The following GSTM5 variants were observed in gnomAD, a reference collection of about 807,000 sequenced individuals.
GSTM5 encodes the protein GST class-mu 5.
A neutral mutation model predicts 29.0 loss-of-function variants in GSTM5; 24 were observed. That is an observed-to-expected ratio of 0.83 (90% CI 0.60 to 1.16). GSTM5 has a LOEUF of 1.16. Ranked by LOEUF, GSTM5 falls within the 50% of genes most tolerant of loss-of-function variation. The pLI, the probability that GSTM5 is intolerant of heterozygous loss-of-function variation, is 0.00. For synonymous variants in GSTM5, 91 were observed against 93.6 expected, an observed-to-expected ratio of 0.97 and a Z score of 0.16; for missense variants, 290 against 263.0, an observed-to-expected ratio of 1.10 and a Z score of -0.71.
intron 5 of GSTM5, 112 bp downstream of exon 5, chr1:109,713,873 G>C: frequency 3.8e-6 from 2 of 527,618 alleles, no homozygotes; most frequent in Non-Finnish European, 7.4e-6. Context: ...GACTGGAGAC[G>C]TCTATAACCT....
At chr1:109,713,076 C>A (rs754852155) in intron 2 of GSTM5, 43 bp from the exon 3 acceptor site, 19 of 1,610,906 alleles carry the variant, frequency 1.2e-5, no homozygotes, top group Non-Finnish European at 3.4e-6. Flanking sequence ...GGAAGGAGGG[C>A]TGGGCTCTGG....
intron 5 of GSTM5, chr1:109,714,312 A>G (rs373401404): frequency 1.3e-5 from 2 of 159,616 alleles, no homozygotes; most frequent in African/African-American, 4.8e-5. Context: ...CATTTCTGTC[A>G]GTTGATTTAT....
At position 109,712,284 on chromosome 1, in the gene GSTM5, T is replaced by A. The variant is rs376393852; in HGVS notation, c.-29T>A. 1 of 1,613,636 alleles carries A rather than the reference T, an allele frequency of 6.2e-7. No individual in the cohort carries two copies. The highest frequency in any genetic ancestry group is 8.5e-7 in the Non-Finnish European group (1 of 1,179,710). On this transcript the variant is annotated 5_prime_UTR_variant, in exon 1 of 8. Coordinates refer to ENST00000256593, the MANE Select transcript of GSTM5 (RefSeq NM_000851.4). Reference sequence around the variant, plus strand: ...GTCTGAGCCCCGCTCCGCTGATGCCTGTCTGCAGAATCCGCACCAACCAGC... The same window carrying A: ...GTCTGAGCCCCGCTCCGCTGATGCCAGTCTGCAGAATCCGCACCAACCAGC...
upstream of GSTM5, chr1:109,712,174 A>G: frequency 1.1e-6 from 1 of 935,536 alleles, no homozygotes; most frequent in South Asian, 1.3e-5. Flanking sequence ...TCGGGGGCCT[A>G]CAGAATGGCG....
At chr1:109,713,864 A>G in intron 5 of GSTM5, 103 bp downstream of exon 5, 1 of 629,840 alleles carries the variant, frequency 1.6e-6, no homozygotes, top group Non-Finnish European at 2.9e-6. Flanking sequence ...CGGCCAGCTG[A>G]CTGGAGACGT....
chr1:109,716,101 C>T (rs1648737195), intron 7 of GSTM5: 1 of 356,230 alleles, frequency 2.8e-6, no homozygotes, highest in Non-Finnish European at 5.4e-6. Flanking sequence ...GTGTGTGTGG[C>T]ACCACCTGGG....
rs1648815882 is a variant in GSTM5, at chr1:109,718,137, A to G, written c.*711A>G. On this transcript the variant is annotated 3_prime_UTR_variant, in exon 8 of 8. Coordinates refer to ENST00000256593, the MANE Select transcript of GSTM5 (RefSeq NM_000851.4). ...AACTGGCATGGTTCAAAGAGGGGCT[A>G]GGCTGATGGGGAAGGGGGCTGAGCA... The G allele has an allele frequency of 1.3e-5, 2 of 152,436 alleles. No homozygotes were observed. 9.4% of individuals were successfully genotyped at this position (152,436 alleles called of 1,614,324 possible).
Position 109,713,318 on chromosome 1 carries a change from C to A in GSTM5, c.177+135C>A. On this transcript the variant is annotated intron_variant, in intron 3 of 7. Transcript: ENST00000256593. ...TCTCACTCTTGGCTGTCTACACAGC[C>A]CTTGCATGATGTTCTGTGTCCCAGC... The A allele has an allele frequency of 2.2e-6, 3 of 1,389,552 alleles. No individual in the cohort carries two copies. In the Admixed American group the frequency reaches 5.1e-5, roughly 24 times the overall value. 86.1% of individuals were successfully genotyped at this position (1,389,552 alleles called of 1,614,324 possible). A position where few individuals can be genotyped will look rare whatever the true frequency, so the allele number is the denominator to read the frequency against.
chr1:109,717,648 C>G lies in GSTM5; in HGVS notation c.*222C>G. The stretch of plus-strand genomic sequence containing the variant: ...CACTGTCCTCCATCAAAGTCCCCCT[C>G]CTAACGTCTTCCTTTCCCTGCACTA... On this transcript the variant is annotated 3_prime_UTR_variant, in exon 8 of 8. Transcript: ENST00000256593. 2.0e-6 allele frequency: 1 copy of G among 502,564 alleles called. No individual in the cohort carries two copies. Among genetic ancestry groups the G allele is most frequent in the Non-Finnish European group, 3.6e-6 (1 of 274,794 alleles). 31.1% of individuals were successfully genotyped at this position (502,564 alleles called of 1,614,324 possible). A position where few individuals can be genotyped will look rare whatever the true frequency, so the allele number is the denominator to read the frequency against.
chr1:109,716,019 G>C, intron 7 of GSTM5: 1 of 717,392 alleles, frequency 1.4e-6, no homozygotes, highest in South Asian at 1.5e-5. Flanking sequence ...GGCACAGTGG[G>C]AGTTGCATAG....
At chr1:109,715,353 G>A in intron 7 of GSTM5, 113 bp downstream of exon 7, 1 of 1,604,668 alleles carries the variant, frequency 6.2e-7, no homozygotes, top group Non-Finnish European at 8.5e-7. Context: ...TTGAGTACGG[G>A]CTTCATGCCA....
At position 109,714,072 on chromosome 1, in the gene GSTM5, C is replaced by T. The variant is rs574618414; in HGVS notation, c.360+311C>T. ...GGGCCAGGACTCTTGCATTCCTGCACGCACTGGTCTTTTCTTAAGTCCTTG... is the reference window on the plus strand; with the variant it reads ...GGGCCAGGACTCTTGCATTCCTGCATGCACTGGTCTTTTCTTAAGTCCTTG... On this transcript the variant is annotated intron_variant, in intron 5 of 7. Coordinates refer to ENST00000256593, the MANE Select transcript of GSTM5 (RefSeq NM_000851.4). 1.7e-4 allele frequency: 41 copies of T among 242,434 alleles called. No homozygotes were observed. In the East Asian group the frequency reaches 4.0e-3, roughly 24 times the overall value. 15.0% of individuals were successfully genotyped at this position (242,434 alleles called of 1,614,324 possible).
In GSTM5 at chr1:109,713,114, C is replaced by A; in HGVS notation, c.113-5C>A. 1 of 1,612,002 alleles carries A rather than the reference C, an allele frequency of 6.2e-7. No homozygotes were observed. The highest frequency in any genetic ancestry group is 1.1e-5 in the South Asian group (1 of 90,986). On this transcript the variant is annotated splice_region_variant and splice_polypyrimidine_tract_variant and intron_variant, in intron 2 of 7. Transcript: ENST00000256593. The stretch of plus-strand genomic sequence containing the variant: ...AGGTTTGTTTTCACTTCTTCCCCAC[C>A]ACAGCTCCTGACTATGACAGAAGCC...
chr1:109,713,303 G>A, intron 3 of GSTM5, 120 bp downstream of exon 3: 1 of 1,472,282 alleles, frequency 6.8e-7, no homozygotes, highest in African/African-American at 1.4e-5. Context: ...TCTCACTCTT[G>A]GCTGTCTACA....
At chr1:109,713,243 C>CCT in intron 3 of GSTM5, 60 bp downstream of exon 3, 1 of 1,606,642 alleles carries the variant, frequency 6.2e-7, no homozygotes, top group Non-Finnish European at 8.5e-7. Flanking sequence ...GACTGCATCT[C>CCT]CTCTCCCCAC....
intron 7 of GSTM5, chr1:109,715,866 C>G: frequency 1.9e-6 from 1 of 524,506 alleles, no homozygotes; most frequent in East Asian, 5.7e-5. Context: ...TTGAAGTGCT[C>G]TGTGCTGGGG....
In GSTM5 at chr1:109,717,477, G is replaced by T; in HGVS notation, c.*51G>T. 1 of 1,241,404 alleles carries T rather than the reference G, an allele frequency of 8.1e-7. No individual in the cohort carries two copies. Among genetic ancestry groups the T allele is most frequent in the South Asian group, 1.2e-5 (1 of 83,636 alleles). 76.9% of individuals were successfully genotyped at this position (1,241,404 alleles called of 1,614,324 possible). A position where few individuals can be genotyped will look rare whatever the true frequency, so the allele number is the denominator to read the frequency against. On this transcript the variant is annotated 3_prime_UTR_variant, in exon 8 of 8. Transcript: ENST00000256593. ...GGGAGGAGCCAACCTTGCTGCCTGC[G>T]ACCCTGGAGGACAGCCTGACTCCCT...
intron 3 of GSTM5, 112 bp from the exon 4 acceptor site, chr1:109,713,372 C>G (rs987548000): frequency 1.3e-4 from 190 of 1,483,624 alleles, no homozygotes; most frequent in Non-Finnish European, 1.7e-4. Flanking sequence ...GTATTTCTAT[C>G]TCAGGCCTGC....
chr1:109,715,148 C>T lies in GSTM5; in HGVS notation c.475C>T (p.Leu159Phe). ...TCTTCAGATCACCTTTGTGGATTTCCTTGCCTATGATGTCCTTGACATGAA... is the reference window on the plus strand; with the variant it reads ...TCTTCAGATCACCTTTGTGGATTTCTTTGCCTATGATGTCCTTGACATGAA... ...AGDKITFVDF[L>F]AYDVLDMKRI... is the part of the protein sequence containing the mutation. The change falls in exon 7 of 8, where the codon CTT (leucine) becomes TTT (phenylalanine). Residue 159 changes from leucine (L) to phenylalanine (F), a missense_variant. Coordinates refer to ENST00000256593, the MANE Select transcript of GSTM5 (RefSeq NM_000851.4). The T allele has an allele frequency of 6.2e-7, 1 of 1,614,216 alleles. No homozygotes were observed. The highest frequency in any genetic ancestry group is 8.5e-7 in the Non-Finnish European group (1 of 1,180,026).
Sources: allele counts gnomAD v4.1 joint callset, GRCh38; gene constraint gnomAD v4.1.1; transcripts MANE v1.5; gene names NCBI Gene and HGNC (gene_info 2026-07-23, HGNC 2026-07-21).